TNR: variants seen among roughly 807,000 people sequenced by gnomAD.
The protein encoded by TNR is tenascin R.
In TNR, 45 loss-of-function variants were observed where a neutral mutation model predicts 150.4. The observed-to-expected ratio is 0.30, with a 90% CI of 0.24 to 0.38. The LOEUF (loss-of-function observed/expected upper bound fraction) is 0.38. TNR is among the 10% of genes least tolerant of loss of function. The pLI is 1.00. For synonymous variants in TNR, 687 were observed against 678.4 expected (o/e 1.01, Z -0.20); for missense variants, 1,544 against 1,759.1 (o/e 0.88, Z 2.19).
intron 1 of TNR, among the ~76,000 whole-genome samples, chr1:175,698,508 T>C (rs148674791): frequency 4.6e-5 from 7 of 151,856 alleles, no homozygotes; most frequent in Non-Finnish European, 5.9e-5. Context: ...GATTGATGGG[T>C]GAGGCTAGAG....
intron 1 of TNR, among the ~76,000 whole-genome samples, chr1:175,730,205 G>A (rs994950647): frequency 7.9e-5 from 12 of 152,052 alleles, no homozygotes; most frequent in African/African-American, 2.7e-4. Flanking sequence ...CTAGGACCCC[G>A]AGCCTTTGCA....
At chr1:175,603,427 T>G (rs550912307) in intron 1 of TNR, among the ~76,000 whole-genome samples, 2 of 152,284 alleles carry the variant, frequency 1.3e-5, no homozygotes, top group Middle Eastern at 3.4e-3. Context: ...ATAGAGAAAT[T>G]TTTTCAAGTT....
intron 2 of TNR, among the ~76,000 whole-genome samples, chr1:175,429,864 A>C (rs1655181730): frequency 6.6e-6 from 1 of 152,138 alleles, no homozygotes; most frequent in Non-Finnish European, 1.5e-5. Flanking sequence ...CCAGAAGCCC[A>C]GGGTTAGCAA....
chr1:175,470,172 TA>T lies in TNR; in HGVS notation c.-64+58096del, dbSNP rs745846155. Among the ~76,000 whole-genome samples the T allele has an allele frequency of 3.3e-5, 5 of 152,120 alleles. No individual in the cohort carries two copies. In the East Asian group the frequency reaches 9.6e-4, roughly 29 times the overall value. ...ACAGAGAACTCGAATAAGCAGCTGA[TA>T]TGTGGATCTGGAGCTCAGAAGAGAG... is the stretch of plus-strand genomic sequence containing the variant. On this transcript the variant is annotated intron_variant, in intron 2 of 22. Transcript: ENST00000367674.
chr1:175,433,155 C>T (rs979019843), intron 2 of TNR, among the ~76,000 whole-genome samples: 1 of 152,168 alleles, frequency 6.6e-6, no homozygotes, highest in Non-Finnish European at 1.5e-5. Context: ...TATGTTGACA[C>T]TATGTGTCCA....
rs1270484307 is a variant in TNR, at chr1:175,696,011, TGGAC to T, written c.-165+47211_-165+47214del. On this transcript the variant is annotated intron_variant, in intron 1 of 22. Transcript: ENST00000367674. ...ATGGATGGATGGATGGATGGATGGA[TGGAC>T]AGATAGATTAATATTAGCCAATATG... is the stretch of plus-strand genomic sequence containing the variant. 1.5e-4 allele frequency among the ~76,000 whole-genome samples: 23 copies of T among 151,890 alleles called. No individual in the cohort carries two copies. In the East Asian group the frequency reaches 2.9e-3, roughly 19 times the overall value.
intron 1 of TNR, among the ~76,000 whole-genome samples, chr1:175,621,883 A>G (rs772485919): frequency 2.0e-5 from 3 of 152,250 alleles, no homozygotes; most frequent in Non-Finnish European, 2.9e-5. Flanking sequence ...GGTTAAGGGT[A>G]TGGCCCTAGA....
rs892323488 is a variant in TNR at position 175,660,369 on chromosome 1, C to T, written c.-165+82857G>A. Reference sequence around the variant, plus strand: ...AGCTCCAGAGGCAGGCCCTGGGGACCTCAGTCGCCCTGGGCCCTGCGAGAA... The same window carrying T: ...AGCTCCAGAGGCAGGCCCTGGGGACTTCAGTCGCCCTGGGCCCTGCGAGAA... On this transcript the variant is annotated intron_variant, in intron 1 of 22. Coordinates refer to ENST00000367674, the MANE Select transcript of TNR (RefSeq NM_003285.3). Among the ~76,000 whole-genome samples the T allele has an allele frequency of 3.9e-5, 6 of 152,170 alleles. No individual in the cohort carries two copies. In the South Asian group the frequency reaches 6.2e-4, roughly 16 times the overall value.
intron 1 of TNR, among the ~76,000 whole-genome samples, chr1:175,619,342 T>G (rs1032737557): frequency 4.6e-5 from 7 of 152,134 alleles, no homozygotes; most frequent in African/African-American, 1.4e-4. Flanking sequence ...TAAAACTTCG[T>G]GCAGAATGTC....
intron 2 of TNR, among the ~76,000 whole-genome samples, chr1:175,451,960 G>A (rs1308040968): frequency 2.6e-5 from 4 of 152,188 alleles, no homozygotes; most frequent in African/African-American, 9.7e-5. Context: ...GGCTGAGAGT[G>A]GACATGTGCT....
At chr1:175,505,783 G>A (rs1658935842) in intron 2 of TNR, among the ~76,000 whole-genome samples, 1 of 152,242 alleles carries the variant, frequency 6.6e-6, no homozygotes, top group South Asian at 2.1e-4. Context: ...GCTCACCTGA[G>A]CCATCCCAGC....
At chr1:175,377,407 T>TA (rs1236298868) in intron 9 of TNR, among the ~76,000 whole-genome samples, 1 of 152,008 alleles carries the variant, frequency 6.6e-6, no homozygotes, top group Non-Finnish European at 1.5e-5. Flanking sequence ...CCTGCGGCTC[T>TA]AGGCAGGGAT....
In TNR at chr1:175,529,015, G is replaced by A. The variant is rs571847258; in HGVS notation, c.-164-646C>T. 2.2e-4 allele frequency among the ~76,000 whole-genome samples: 34 copies of A among 152,334 alleles called. No individual in the cohort carries two copies. In the Middle Eastern group the frequency reaches 0.01, roughly 46 times the overall value. On this transcript the variant is annotated intron_variant, in intron 1 of 22. Coordinates refer to ENST00000367674, the MANE Select transcript of TNR (RefSeq NM_003285.3). ...CAGATTAGAACAACCTCCAACAGAAGCAGTGGCATCGATTGTTAAGTGAGA... is the reference window on the plus strand; with the variant it reads ...CAGATTAGAACAACCTCCAACAGAAACAGTGGCATCGATTGTTAAGTGAGA...
At chr1:175,590,079 C>T (rs1385311156) in intron 1 of TNR, among the ~76,000 whole-genome samples, 1 of 152,120 alleles carries the variant, frequency 6.6e-6, no homozygotes, top group Non-Finnish European at 1.5e-5. Context: ...GGTACTGCAA[C>T]TGATCTATCT....
intron 1 of TNR, among the ~76,000 whole-genome samples, chr1:175,667,988 TAGAA>T (rs1448918377): frequency 6.6e-6 from 1 of 152,172 alleles, no homozygotes; most frequent in East Asian, 1.9e-4. Context: ...TGGAGCATGT[TAGAA>T]ATGCAGAATC....
chr1:175,427,038 T>C (rs1386894615), intron 2 of TNR, among the ~76,000 whole-genome samples: 1 of 148,128 alleles, frequency 6.8e-6, no homozygotes, highest in African/African-American at 2.5e-5. Flanking sequence ...ATGCCATGGA[T>C]TCTAAAATCT....
At chr1:175,691,501 A>G (rs910157724) in intron 1 of TNR, among the ~76,000 whole-genome samples, 1 of 152,160 alleles carries the variant, frequency 6.6e-6, no homozygotes, top group Non-Finnish European at 1.5e-5. Context: ...GGCTACTCAA[A>G]AGTGAAATCT....
At chr1:175,697,298 CTT>C (rs1265944507) in intron 1 of TNR, among the ~76,000 whole-genome samples, 2 of 151,324 alleles carry the variant, frequency 1.3e-5, no homozygotes, top group East Asian at 3.9e-4. Flanking sequence ...TAAACAGACT[CTT>C]GAGACAAAAA....
chr1:175,353,413 G>A (rs564422601), intron 18 of TNR, among the ~76,000 whole-genome samples: 1 of 152,350 alleles, frequency 6.6e-6, no homozygotes, highest in African/African-American at 2.4e-5. Flanking sequence ...GTTATTTCCT[G>A]TTATAGAGAT....
Sources: gnomAD v4.1 joint callset for allele counts (sites outside exome capture counted in the v4.1 genomes callset) on GRCh38, gnomAD v4.1.1 for gene constraint, MANE v1.5 for transcripts, NCBI Gene and HGNC (gene_info 2026-07-23, HGNC 2026-07-21) for gene names.